TMEM114: variants seen among roughly 807,000 people sequenced by gnomAD.
TMEM114 encodes claudin-26.
Under a neutral mutation model 6.2 loss-of-function variants are expected in TMEM114, and 6 were observed. The ratio of observed to expected loss-of-function variants is 0.97; its 90% confidence interval spans 0.53 to 1.91. The LOEUF (loss-of-function observed/expected upper bound fraction) is 1.91, where lower values mean the gene tolerates loss of function less well. TMEM114 is among the 40% of genes most tolerant of loss of function. TMEM114 has a pLI of 0.01. For missense variants in TMEM114, 218 were observed against 158.3 expected (o/e 1.38, Z -2.02); for synonymous variants, 104 against 73.0 (o/e 1.42, Z -2.16).
chr16:8,589,134 C>T (rs1902404754), intron 2 of TMEM114, 79 bp downstream of exon 2: 3 of 397,894 alleles, frequency 7.5e-6, no homozygotes, highest in Admixed American at 4.4e-5. Context: ...GCCCCGAAGC[C>T]CGGCTGTTTT....
At chr16:8,560,331 C>G (rs1901159540) in intron 2 of TMEM114, among the ~76,000 whole-genome samples, 1 of 152,028 alleles carries the variant, frequency 6.6e-6, no homozygotes, top group East Asian at 1.9e-4. Flanking sequence ...CTTGACCTCC[C>G]TGAGTTTCTG....
chr16:8,541,476 T>C (rs1900514252), intron 2 of TMEM114, among the ~76,000 whole-genome samples: 1 of 152,138 alleles, frequency 6.6e-6, no homozygotes, highest in African/African-American at 2.4e-5. Context: ...CAGAGACAAT[T>C]CGTCTGACCA....
chr16:8,563,245 G>C (rs548735261), intron 2 of TMEM114, among the ~76,000 whole-genome samples: 1,634 of 150,974 alleles, frequency 0.011, no homozygotes, highest in Admixed American at 0.019. Flanking sequence ...GAGTGAATGA[G>C]TCAGTGAGTG....
At chr16:8,585,654 G>T (rs79618003) in intron 2 of TMEM114, among the ~76,000 whole-genome samples, 9,346 of 152,122 alleles carry the variant, frequency 0.061, 385 homozygotes, top group Middle Eastern at 0.12. Flanking sequence ...CTCTTTCTGG[G>T]GGTGATTTGC....
intron 2 of TMEM114, among the ~76,000 whole-genome samples, chr16:8,553,579 G>A (rs1004206413): frequency 3.3e-5 from 5 of 152,012 alleles, no homozygotes; most frequent in African/African-American, 1.2e-4. Context: ...TCCACCTCCT[G>A]GGTTCACGCC....
chr16:8,534,149 A>C (rs1426863847), downstream of TMEM114, among the ~76,000 whole-genome samples: 1 of 152,210 alleles, frequency 6.6e-6, no homozygotes, highest in Admixed American at 6.5e-5. Flanking sequence ...TTAAAGGCCA[A>C]AGTGCTACAT....
At chr16:8,577,340 C>A (rs145078968) in intron 2 of TMEM114, among the ~76,000 whole-genome samples, 2 of 152,188 alleles carry the variant, frequency 1.3e-5, no homozygotes, top group Non-Finnish European at 2.9e-5. Flanking sequence ...CAAAAGCAAA[C>A]TTCCTGAACC....
chr16:8,545,722 C>G (rs80231489), intron 2 of TMEM114, among the ~76,000 whole-genome samples: 5 of 152,140 alleles, frequency 3.3e-5, no homozygotes, highest in African/African-American at 1.2e-4. Flanking sequence ...AGTGAGCTAT[C>G]TTATCTCCCT....
At chr16:8,531,131 T>A in the TMEM114 span, among the ~76,000 whole-genome samples, 1 of 152,276 alleles carries the variant, frequency 6.6e-6, no homozygotes, top group South Asian at 2.1e-4. Flanking sequence ...AGCAAAATAT[T>A]TTGAAAATGT....
At chr16:8,571,892 T>C (rs1478212456) in intron 3 of TMEM114, among the ~76,000 whole-genome samples, 195 bp downstream of exon 3, 4 of 152,226 alleles carry the variant, frequency 2.6e-5, no homozygotes, top group Non-Finnish European at 2.9e-5. Context: ...CCCTCTGCAC[T>C]GCTCCTGTCT....
intron 2 of TMEM114, among the ~76,000 whole-genome samples, chr16:8,574,634 A>C (rs1280135063): frequency 7.4e-6 from 1 of 135,358 alleles, no homozygotes; most frequent in African/African-American, 2.8e-5. Flanking sequence ...TGGGCAGGGA[A>C]GTACCACAGC....
intron 2 of TMEM114, among the ~76,000 whole-genome samples, chr16:8,555,551 G>T (rs1437021692): frequency 6.6e-6 from 1 of 152,184 alleles, no homozygotes; most frequent in Non-Finnish European, 1.5e-5. Context: ...AACTGTCATG[G>T]CGCTGGTAGA....
chr16:8,570,480 C>T (rs1596308933), intron 3 of TMEM114, among the ~76,000 whole-genome samples: 1 of 152,158 alleles, frequency 6.6e-6, no homozygotes, highest in South Asian at 2.1e-4. Flanking sequence ...TACAGATGCC[C>T]GCCACCGCGC....
At chr16:8,579,857 C>A (rs1265101951) in intron 2 of TMEM114, among the ~76,000 whole-genome samples, 1 of 152,112 alleles carries the variant, frequency 6.6e-6, no homozygotes, top group African/African-American at 2.4e-5. Context: ...AAGAAGTGGA[C>A]AAAGGGGTCG....
At chr16:8,559,337 C>G (rs757150068) in intron 2 of TMEM114, among the ~76,000 whole-genome samples, 16 of 152,228 alleles carry the variant, frequency 1.1e-4, no homozygotes, top group Non-Finnish European at 1.6e-4. Flanking sequence ...GCCGCCGGAC[C>G]CTGCCTTAAT....
the TMEM114 span, among the ~76,000 whole-genome samples, chr16:8,531,093 A>G: frequency 6.6e-6 from 1 of 152,210 alleles, no homozygotes; most frequent in Non-Finnish European, 1.5e-5. Flanking sequence ...GGCCCATTGC[A>G]GCCTTTTGAA....
downstream of TMEM114, among the ~76,000 whole-genome samples, chr16:8,534,435 G>C (rs549464634): frequency 6.6e-6 from 1 of 152,306 alleles, no homozygotes; most frequent in Non-Finnish European, 1.5e-5. Flanking sequence ...GTGGGAGCAG[G>C]TGGAGGGTGT....
At chr16:8,559,291 C>T (rs372805620) in intron 2 of TMEM114, among the ~76,000 whole-genome samples, 2 of 152,234 alleles carry the variant, frequency 1.3e-5, no homozygotes, top group African/African-American at 4.8e-5. Flanking sequence ...GATCCGCCCA[C>T]CTCAGCCTCC....
At chr16:8,545,974 G>T (rs1473864481) in intron 2 of TMEM114, among the ~76,000 whole-genome samples, 1 of 152,108 alleles carries the variant, frequency 6.6e-6, no homozygotes, top group African/African-American at 2.4e-5. Context: ...AATTAGCTGA[G>T]TGTGGTGGTG....
Sources: allele counts gnomAD v4.1 joint callset (sites outside exome capture counted in the v4.1 genomes callset), GRCh38; gene constraint gnomAD v4.1.1; transcripts MANE v1.5; gene names NCBI Gene and HGNC (gene_info 2026-07-23, HGNC 2026-07-21).